The following XAGE2 variants were observed in gnomAD, a reference collection of about 807,000 sequenced individuals.
XAGE2 encodes G antigen family D member 3.
Under a neutral mutation model 9.9 loss-of-function variants are expected in XAGE2, and 7 were observed. The ratio of observed to expected loss-of-function variants is 0.71; its 90% confidence interval spans 0.40 to 1.32. The LOEUF is 1.32. XAGE2 is among the 40% of genes most tolerant of loss of function. The pLI is 0.01. For synonymous variants in XAGE2, 31 were observed against 26.8 expected (o/e 1.16, Z -0.48); for missense variants, 85 against 81.0 (o/e 1.05, Z -0.19).
At chrX:52,375,026 GA>G (rs1921280487) in intron 4 of XAGE2, among the ~76,000 whole-genome samples, 1 of 111,401 alleles carries the variant, frequency 9.0e-6, no homozygotes, top group East Asian at 2.8e-4. Context: ...CACAATAGAG[GA>G]AAAAACAAAT....
At chrX:52,374,855 C>T (rs1441034862) in intron 4 of XAGE2, among the ~76,000 whole-genome samples, 3 of 110,495 alleles carry the variant, frequency 2.7e-5, no homozygotes, top group South Asian at 3.8e-4. Context: ...AAAAGTAATG[C>T]GATCATATAA....
rs1921184816 is a variant in XAGE2 at position 52,371,275 on chromosome X, C to T, written c.187+603C>T. 2.7e-5 allele frequency among the ~76,000 whole-genome samples: 3 copies of T among 112,036 alleles called. No individual in the cohort carries two copies. In the South Asian group the frequency reaches 1.1e-3, roughly 42 times the overall value. ...TATTTTGCTTAAAACGCTTAATACTCGAATGTGTCTGTACTGTAAGGTACT... is the reference window on the plus strand; with the variant it reads ...TATTTTGCTTAAAACGCTTAATACTTGAATGTGTCTGTACTGTAAGGTACT... On this transcript the variant is annotated intron_variant, in intron 3 of 4. Coordinates refer to ENST00000286049, the MANE Select transcript of XAGE2 (RefSeq NM_130777.3).
At chrX:52,373,536 T>C (rs1278120500) in intron 4 of XAGE2, among the ~76,000 whole-genome samples, 8 of 111,281 alleles carry the variant, frequency 7.2e-5, no homozygotes, top group East Asian at 5.7e-4. Flanking sequence ...TGCTTTTTGC[T>C]CTCCTGTCAG....
At chrX:52,370,850 A>G (rs1921172218) in intron 3 of XAGE2, among the ~76,000 whole-genome samples, 178 bp downstream of exon 3, 1 of 112,394 alleles carries the variant, frequency 8.9e-6, no homozygotes, top group Admixed American at 9.4e-5. Flanking sequence ...CAGTCCCTGG[A>G]TATAATAAAT....
chrX:52,370,089 T>A lies in XAGE2; in HGVS notation c.75T>A (p.Ala25=). Residue 25 remains alanine, a synonymous_variant, in exon 2 of 5, where the codon GCT becomes GCA. Coordinates refer to ENST00000286049, the MANE Select transcript of XAGE2 (RefSeq NM_130777.3). ...TACAGCCTCCTGAGCTGATTGGGGC[T>A]ATGCTTGTGAGTGCTTTAATATTTT... ...RSLQPPELIG[A]MLEPTDEEPK... is the part of the protein sequence containing the mutation. 2 of 1,211,260 alleles carry A rather than the reference T, an allele frequency of 1.7e-6. No individual in the cohort carries two copies. Among genetic ancestry groups the A allele is most frequent in the Non-Finnish European group, 2.2e-6 (2 of 894,951 alleles).
At chrX:52,372,395 A>C (rs951891013) in intron 3 of XAGE2, 149 bp from the exon 4 acceptor site, 2 of 752,012 alleles carry the variant, frequency 2.7e-6, no homozygotes, top group African/African-American at 4.3e-5. Flanking sequence ...TAATACAGGA[A>C]AACAAAAGTG....
At chrX:52,372,701 G>A in intron 4 of XAGE2, 32 bp downstream of exon 4, 1 of 1,203,481 alleles carries the variant, frequency 8.3e-7, no homozygotes, top group Admixed American at 2.2e-5. Flanking sequence ...AAAGTTATGT[G>A]ATTTCTATTT....
At position 52,372,542 on chromosome X, in the gene XAGE2, A is replaced by T. The variant is rs1280112657; in HGVS notation, c.188-2A>T. On this transcript the variant is annotated splice_acceptor_variant, in intron 3 of 4. Transcript: ENST00000286049. LOFTEE classifies it high-confidence loss of function. ...AAGTTCAATAACCTTTGTATTTTTT[A>T]GTGCCTGACCTGGAAGCCGATCTCC... 6.6e-6 allele frequency: 8 copies of T among 1,210,452 alleles called. No individual in the cohort carries two copies. The highest frequency in any genetic ancestry group is 8.9e-6 in the Non-Finnish European group (8 of 894,849).
chrX:52,373,747 G>A (rs1415374567), intron 4 of XAGE2, among the ~76,000 whole-genome samples: 1 of 111,544 alleles, frequency 9.0e-6, no homozygotes, highest in Non-Finnish European at 1.9e-5. Context: ...GACTGTTAAT[G>A]AGAAGAGCTT....
At chrX:52,372,258 G>C (rs892688188) in intron 3 of XAGE2, among the ~76,000 whole-genome samples, 5 of 110,448 alleles carry the variant, frequency 4.5e-5, no homozygotes, top group Non-Finnish European at 9.5e-5. Context: ...CTCTCACAAG[G>C]CTGAGACAGG....
intron 1 of XAGE2, among the ~76,000 whole-genome samples, 194 bp downstream of exon 1, chrX:52,369,408 T>C (rs1328550918): frequency 5.4e-5 from 6 of 110,674 alleles, no homozygotes; most frequent in African/African-American, 2.0e-4. Context: ...GAACTCCCAA[T>C]GGGACAGATT....
At chrX:52,370,150 G>A in intron 2 of XAGE2, 55 bp downstream of exon 2, 2 of 1,121,030 alleles carry the variant, frequency 1.8e-6, no homozygotes, top group Non-Finnish European at 2.5e-6. Context: ...TTTTGTGATA[G>A]TGTTGTTGAA....
intron 4 of XAGE2, among the ~76,000 whole-genome samples, chrX:52,375,281 T>C (rs1336503784): frequency 8.9e-6 from 1 of 112,040 alleles, no homozygotes; most frequent in Admixed American, 9.5e-5. Flanking sequence ...AAATCCCTTT[T>C]TAAGAGTTTC....
intron 4 of XAGE2, among the ~76,000 whole-genome samples, chrX:52,373,788 G>A (rs1921252473): frequency 9.0e-6 from 1 of 111,150 alleles, no homozygotes; most frequent in Non-Finnish European, 1.9e-5. Context: ...CCATGTTTAG[G>A]GAAGAAATTA....
rs1172836167 is a variant in XAGE2, at chrX:52,372,629, G to A, written c.273G>A (p.Lys91=). Reference sequence around the variant, plus strand: ...AAGGTGGTACTGATGTCAAGGGGAAGATTCTACCAAAAGCAGAGCACTTTA... The same window carrying A: ...AAGGTGGTACTGATGTCAAGGGGAAAATTCTACCAAAAGCAGAGCACTTTA... ...GCEGGTDVKG[K]ILPKAEHFKM... The change falls in exon 4 of 5, where the codon AAG becomes AAA. Residue 91 remains lysine, a synonymous_variant. Coordinates refer to ENST00000286049, the MANE Select transcript of XAGE2 (RefSeq NM_130777.3). 1 of 1,209,926 alleles carries A rather than the reference G, an allele frequency of 8.3e-7. No homozygotes were observed. The highest frequency in any genetic ancestry group is 2.2e-5 in the Admixed American group (1 of 45,768).
intron 2 of XAGE2, 31 bp downstream of exon 2, chrX:52,370,126 T>C: frequency 8.5e-7 from 1 of 1,179,971 alleles, no homozygotes. Context: ...ATGTTTTTTA[T>C]TAGCAGAAAT....
At chrX:52,375,526 C>T in intron 4 of XAGE2, 43 bp from the exon 5 acceptor site, 1 of 1,189,703 alleles carries the variant, frequency 8.4e-7, no homozygotes, top group Non-Finnish European at 1.1e-6. Flanking sequence ...GATCTAAATA[C>T]AGTTCTGCTA....
At chrX:52,369,889 A>T in intron 1 of XAGE2, 118 bp from the exon 2 acceptor site, 1 of 772,768 alleles carries the variant, frequency 1.3e-6, no homozygotes, top group Non-Finnish European at 2.0e-6. Context: ...CCTGGGACTT[A>T]CTTTCAAATT....
chrX:52,374,839 T>C (rs1921275775), intron 4 of XAGE2, among the ~76,000 whole-genome samples: 3 of 111,731 alleles, frequency 2.7e-5, no homozygotes, highest in Admixed American at 9.6e-5. Context: ...ATGATAATGA[T>C]AGATTAAAAG....
Sources: gnomAD v4.1 joint callset for allele counts (sites outside exome capture counted in the v4.1 genomes callset) on GRCh38, gnomAD v4.1.1 for gene constraint, MANE v1.5 for transcripts, NCBI Gene and HGNC (gene_info 2026-07-23, HGNC 2026-07-21) for gene names.